CADPS2: variants seen among roughly 807,000 people sequenced by gnomAD.
CADPS2 encodes calcium-dependent secretion activator 2.
In CADPS2, 93 loss-of-function variants were observed where a neutral mutation model predicts 172.5. The observed-to-expected ratio is 0.54, with a 90% CI of 0.46 to 0.64. The LOEUF (loss-of-function observed/expected upper bound fraction) is 0.64, where lower values mean the gene tolerates loss of function less well. Among genes scored for constraint, CADPS2 ranks in the 30% least tolerant of loss-of-function variants. The pLI is 0.00. For synonymous variants in CADPS2, 546 were observed against 555.2 expected (o/e 0.98, Z 0.23); for missense variants, 1,420 against 1,565.9 (o/e 0.91, Z 1.57).
At chr7:122,796,820 T>C (rs551099382) in intron 1 of CADPS2, among the ~76,000 whole-genome samples, 4 of 151,882 alleles carry the variant, frequency 2.6e-5, no homozygotes, top group African/African-American at 7.2e-5. Flanking sequence ...AATGATTTCA[T>C]GGTGAAGACA....
At chr7:122,885,323 C>T (rs1201246560) in intron 1 of CADPS2, among the ~76,000 whole-genome samples, 2 of 151,902 alleles carry the variant, frequency 1.3e-5, no homozygotes, top group African/African-American at 4.8e-5. Context: ...TGATCATGCA[C>T]CAATCCTTTA....
intron 29 of CADPS2, among the ~76,000 whole-genome samples, chr7:122,321,536 T>C (rs1423382047): frequency 6.6e-6 from 1 of 152,206 alleles, no homozygotes; most frequent in African/African-American, 2.4e-5. Context: ...TCATCCAGGC[T>C]GGAGTGCAGT....
intron 3 of CADPS2, among the ~76,000 whole-genome samples, chr7:122,642,626 C>T (rs1415905713): frequency 6.7e-6 from 1 of 149,056 alleles, no homozygotes; most frequent in Non-Finnish European, 1.5e-5. Context: ...AACTTGAATT[C>T]ATTAAATTTA....
chr7:122,698,380 C>T, intron 2 of CADPS2: 16 of 1,613,858 alleles, frequency 9.9e-6, no homozygotes, highest in Non-Finnish European at 1.4e-5. Flanking sequence ...GTGCTTTCTC[C>T]CCACCTCAAC....
chr7:122,401,367 T>C (rs571701977), intron 20 of CADPS2, among the ~76,000 whole-genome samples: 7 of 152,336 alleles, frequency 4.6e-5, no homozygotes, highest in South Asian at 2.1e-4. Context: ...CAGTTCCCAA[T>C]AGAATGGTCA....
intron 25 of CADPS2, among the ~76,000 whole-genome samples, chr7:122,367,264 G>T (rs1321906674): frequency 6.6e-6 from 1 of 151,930 alleles, no homozygotes; most frequent in African/African-American, 2.4e-5. Flanking sequence ...AAATCCAGGG[G>T]AAAATATTCT....
intron 15 of CADPS2, 123 bp from the exon 16 acceptor site, chr7:122,441,698 A>G: frequency 1.9e-6 from 1 of 538,140 alleles, no homozygotes; most frequent in Non-Finnish European, 3.2e-6. Flanking sequence ...ATATTATAGC[A>G]TGAACTCATC....
intron 3 of CADPS2, among the ~76,000 whole-genome samples, chr7:122,660,523 T>G (rs1349638127): frequency 1.3e-5 from 2 of 152,050 alleles, no homozygotes; most frequent in Non-Finnish European, 2.9e-5. Context: ...ATTTTAAAAT[T>G]TAATCCAACT....
At chr7:122,767,068 G>A (rs966853762) in intron 1 of CADPS2, among the ~76,000 whole-genome samples, 6 of 152,144 alleles carry the variant, frequency 3.9e-5, no homozygotes, top group African/African-American at 1.4e-4. Flanking sequence ...ATAGTTGAGA[G>A]ACAGTTGCCT....
intron 1 of CADPS2, among the ~76,000 whole-genome samples, chr7:122,865,248 GTTGCCAGCGCC>G (rs951737752): frequency 6.6e-6 from 1 of 152,184 alleles, no homozygotes; most frequent in Non-Finnish European, 1.5e-5. Flanking sequence ...ACTCTCACCA[GTTGCCAGCGCC>G]TTGCCAGCAC....
At chr7:122,591,250 A>T (rs1016777491) in intron 6 of CADPS2, among the ~76,000 whole-genome samples, 1 of 152,170 alleles carries the variant, frequency 6.6e-6, no homozygotes, top group African/African-American at 2.4e-5. Flanking sequence ...CTTCAAAGCG[A>T]ATAAAATACT....
intron 1 of CADPS2, among the ~76,000 whole-genome samples, chr7:122,838,915 T>C (rs922140213): frequency 2.0e-5 from 3 of 152,094 alleles, no homozygotes; most frequent in African/African-American, 4.8e-5. Context: ...CTTCACAGAA[T>C]TGGAAAAAAC....
chr7:122,720,868 T>G (rs1377424158), intron 2 of CADPS2, among the ~76,000 whole-genome samples: 1 of 152,062 alleles, frequency 6.6e-6, no homozygotes, highest in African/African-American at 2.4e-5. Context: ...AGCTGGGGTG[T>G]ATTTTTTTGT....
chr7:122,372,077 C>CACTA (rs2041841265), intron 25 of CADPS2, among the ~76,000 whole-genome samples: 1 of 152,300 alleles, frequency 6.6e-6, no homozygotes, highest in African/African-American at 2.4e-5. Context: ...TATTCACTAA[C>CACTA]ACTAATAAAT....
intron 3 of CADPS2, among the ~76,000 whole-genome samples, chr7:122,651,164 A>G (rs888688940): frequency 2.6e-5 from 4 of 151,924 alleles, no homozygotes; most frequent in Admixed American, 6.6e-5. Flanking sequence ...AAGGTATCCA[A>G]TGTAACTGTC....
chr7:122,683,417 C>G (rs986876336), intron 2 of CADPS2, among the ~76,000 whole-genome samples: 1 of 152,166 alleles, frequency 6.6e-6, no homozygotes, highest in Non-Finnish European at 1.5e-5. Context: ...TTTTCTCTTA[C>G]AACCACCATT....
chr7:122,709,041 T>C (rs927069350), intron 2 of CADPS2, among the ~76,000 whole-genome samples: 1 of 152,030 alleles, frequency 6.6e-6, no homozygotes, highest in Non-Finnish European at 1.5e-5. Flanking sequence ...ATAGGCAATA[T>C]ACTCAAAAGA....
At chr7:122,646,401 CTG>C (rs879387523) in intron 3 of CADPS2, among the ~76,000 whole-genome samples, 2 of 152,008 alleles carry the variant, frequency 1.3e-5, no homozygotes, top group Non-Finnish European at 2.9e-5. Context: ...AATGGGGAAA[CTG>C]TAAGCTCTTC....
intron 6 of CADPS2, among the ~76,000 whole-genome samples, chr7:122,603,208 T>TA (rs34533065): frequency 5.9e-5 from 9 of 151,952 alleles, no homozygotes; most frequent in South Asian, 2.1e-4. Context: ...TCTCAAATCT[T>TA]AAAAAAAAGA....
Sources: gnomAD v4.1 joint callset for allele counts (sites outside exome capture counted in the v4.1 genomes callset) on GRCh38, gnomAD v4.1.1 for gene constraint, MANE v1.5 for transcripts, NCBI Gene and HGNC (gene_info 2026-07-23, HGNC 2026-07-21) for gene names.